Variants in ITGBL1 observed in about 807,000 individuals in gnomAD.
ITGBL1 encodes integrin subunit beta like 1, also known as integrin beta-like protein 1.
ITGBL1 carries 51 observed loss-of-function variants against 68.5 expected under a neutral mutation model. The observed-to-expected ratio is 0.74, with a 90% CI of 0.59 to 0.94. ITGBL1 has a LOEUF of 0.94. ITGBL1 is among the 40% of genes least tolerant of loss of function. ITGBL1 has a pLI of 0.00. For synonymous variants in ITGBL1, 209 were observed against 227.3 expected (o/e 0.92, Z 0.72); for missense variants, 649 against 647.4 (o/e 1.00, Z -0.03).
At chr13:101,690,052 C>A (rs951360523) in intron 7 of ITGBL1, among the ~76,000 whole-genome samples, 2 of 152,084 alleles carry the variant, frequency 1.3e-5, no homozygotes, top group African/African-American at 4.8e-5. Context: ...AAGGTTAATT[C>A]ATCTCATAGT....
intron 7 of ITGBL1, among the ~76,000 whole-genome samples, chr13:101,648,709 G>C (rs1426290873): frequency 1.3e-5 from 2 of 152,098 alleles, no homozygotes; most frequent in Non-Finnish European, 2.9e-5. Flanking sequence ...GAAAAAATTA[G>C]TTGTACAACT....
chr13:101,655,392 T>C (rs2032888159), intron 7 of ITGBL1, among the ~76,000 whole-genome samples: 1 of 64,662 alleles, frequency 1.5e-5, no homozygotes. Flanking sequence ...AAAAATTTAG[T>C]CAAATTTATG....
intron 2 of ITGBL1, among the ~76,000 whole-genome samples, chr13:101,497,976 A>T (rs1170695122): frequency 6.6e-6 from 1 of 150,706 alleles, no homozygotes. Flanking sequence ...GTTGGGGGAG[A>T]TTTTGTCTGA....
chr13:101,576,850 T>C (rs2765608), intron 4 of ITGBL1, among the ~76,000 whole-genome samples: 32,814 of 152,016 alleles, frequency 0.22, 3,532 homozygotes, highest in East Asian at 0.23. Context: ...AGACAATTCT[T>C]TCTTAAAGGG....
intron 6 of ITGBL1, among the ~76,000 whole-genome samples, chr13:101,586,454 C>T (rs181399423): frequency 6.6e-6 from 1 of 152,318 alleles, no homozygotes; most frequent in Admixed American, 6.5e-5. Flanking sequence ...TACAGAGACT[C>T]TACTCTATTG....
chr13:101,600,045 G>A (rs139110039), intron 7 of ITGBL1, among the ~76,000 whole-genome samples: 32,474 of 152,104 alleles, frequency 0.21, 4,109 homozygotes, highest in East Asian at 0.43. Context: ...CCATTTTCAC[G>A]ATATTGATTC....
At chr13:101,453,079 A>T (rs1387752694) in intron 1 of ITGBL1, 148 bp downstream of exon 1, 2 of 635,436 alleles carry the variant, frequency 3.1e-6, no homozygotes, top group African/African-American at 3.6e-5. Context: ...TCCTCTCCTT[A>T]TATCTACAGC....
chr13:101,614,713 G>A (rs928121825), intron 7 of ITGBL1, among the ~76,000 whole-genome samples: 1 of 152,172 alleles, frequency 6.6e-6, no homozygotes, highest in Non-Finnish European at 1.5e-5. Context: ...GCTCAGGGGA[G>A]CAATGAGCCA....
intron 2 of ITGBL1, among the ~76,000 whole-genome samples, chr13:101,528,163 T>G (rs906372697): frequency 6.6e-6 from 1 of 151,442 alleles, no homozygotes; most frequent in Non-Finnish European, 1.5e-5. Context: ...TTTATTAATA[T>G]TTAATGGTTT....
At chr13:101,716,739 G>C (rs1480323851), downstream of ITGBL1, 2 of 144,494 alleles carry the variant, frequency 1.4e-5, no homozygotes, top group Non-Finnish European at 3.0e-5. Context: ...AAGAAGTCAA[G>C]ACGAGAAATA....
chr13:101,593,752 G>C (rs1016763509), intron 6 of ITGBL1, among the ~76,000 whole-genome samples: 2 of 152,090 alleles, frequency 1.3e-5, no homozygotes, highest in African/African-American at 4.8e-5. Flanking sequence ...GGTTACCAGA[G>C]ACGGGAGGAG....
intron 2 of ITGBL1, among the ~76,000 whole-genome samples, chr13:101,540,270 T>G (rs9557690): frequency 2.6e-5 from 4 of 151,550 alleles, no homozygotes; most frequent in Non-Finnish European, 5.9e-5. Flanking sequence ...TTTCTACATA[T>G]GGCTAGCCAG....
At chr13:101,606,331 C>T (rs761508994) in intron 7 of ITGBL1, among the ~76,000 whole-genome samples, 34 of 150,892 alleles carry the variant, frequency 2.3e-4, no homozygotes, top group Non-Finnish European at 4.6e-4. Context: ...CATTCTGTAT[C>T]CTGTGATTCC....
At chr13:101,636,527 T>C (rs1395175346) in intron 7 of ITGBL1, among the ~76,000 whole-genome samples, 1 of 152,184 alleles carries the variant, frequency 6.6e-6, no homozygotes. Flanking sequence ...GTTAATATGT[T>C]ACTTATATTT....
intron 6 of ITGBL1, among the ~76,000 whole-genome samples, chr13:101,595,955 T>G (rs2029937699): frequency 6.6e-6 from 1 of 152,230 alleles, no homozygotes; most frequent in Non-Finnish European, 1.5e-5. Context: ...TGTTGTAAGA[T>G]GAATGGGTAA....
chr13:101,670,753 G>A (rs1177121879), intron 7 of ITGBL1, among the ~76,000 whole-genome samples: 1 of 152,200 alleles, frequency 6.6e-6, no homozygotes, highest in Non-Finnish European at 1.5e-5. Context: ...TTATGAAAGA[G>A]TTATTAAACG....
intron 2 of ITGBL1, among the ~76,000 whole-genome samples, chr13:101,526,171 A>C: frequency 1.3e-5 from 1 of 76,294 alleles, no homozygotes; most frequent in Non-Finnish European, 2.7e-5. Context: ...TTTTTTTTTA[A>C]ATACTTTAAG....
At chr13:101,457,589 T>A (rs2048261835) in intron 2 of ITGBL1, among the ~76,000 whole-genome samples, 1 of 152,128 alleles carries the variant, frequency 6.6e-6, no homozygotes, top group African/African-American at 2.4e-5. Flanking sequence ...AGTGTTCCTA[T>A]GGATGTGATG....
intron 2 of ITGBL1, among the ~76,000 whole-genome samples, chr13:101,471,700 T>G (rs2048463362): frequency 6.6e-6 from 1 of 152,182 alleles, no homozygotes; most frequent in Non-Finnish European, 1.5e-5. Flanking sequence ...TTTTCGGTAT[T>G]GTGGATCACA....
Sources: allele counts gnomAD v4.1 joint callset (sites outside exome capture counted in the v4.1 genomes callset), GRCh38; gene constraint gnomAD v4.1.1; transcripts MANE v1.5; gene names NCBI Gene and HGNC (gene_info 2026-07-23, HGNC 2026-07-21).